Variants in SLC5A3 observed in about 807,000 individuals in gnomAD.
SLC5A3 encodes solute carrier family 5 member 3.
Under a neutral mutation model 43.2 loss-of-function variants are expected in SLC5A3, and 10 were observed. The observed-to-expected ratio is 0.23, with a 90% confidence interval of 0.14 to 0.39. The LOEUF (loss-of-function observed/expected upper bound fraction) is 0.39, where lower values mean the gene tolerates loss of function less well. Among genes scored for constraint, SLC5A3 ranks in the 10% least tolerant of loss-of-function variants. The pLI, the probability that SLC5A3 is intolerant of heterozygous loss-of-function variation, is 1.00. For missense variants in SLC5A3, 608 were observed against 893.4 expected (o/e 0.68, Z 4.07); for synonymous variants, 349 against 322.0 (o/e 1.08, Z -0.90).
At chr21:34,090,832 G>T (rs1193804949) in intron 1 of SLC5A3, among the ~76,000 whole-genome samples, 1 of 152,192 alleles carries the variant, frequency 6.6e-6, no homozygotes, top group African/African-American at 2.4e-5. Flanking sequence ...GGAAGTGACG[G>T]AGCATGGAAC....
chr21:34,103,487 TC>T lies in SLC5A3; in HGVS notation c.*6134del. The T allele has an allele frequency of 3.0e-6, 3 of 999,256 alleles. No homozygotes were observed. The highest frequency in any genetic ancestry group is 3.6e-6 in the Non-Finnish European group (3 of 829,070). 61.9% of individuals were successfully genotyped at this position (999,256 alleles called of 1,614,324 possible). A position where few individuals can be genotyped will look rare whatever the true frequency, so the allele number is the denominator to read the frequency against. On this transcript the variant is annotated 3_prime_UTR_variant, in exon 2 of 2. Transcript: ENST00000381151. The stretch of plus-strand genomic sequence containing the variant: ...TCTGTGATCTTAATTTTGTTGTGTT[TC>T]CATTGTAGGTTGATAGGTATATCGA...
Position 34,103,960 on chromosome 21 carries a change from T to C in SLC5A3, c.*6605T>C. On this transcript the variant is annotated 3_prime_UTR_variant, in exon 2 of 2. Coordinates refer to ENST00000381151, the MANE Select transcript of SLC5A3 (RefSeq NM_006933.7). ...GGTGACATATTTCTGTTTTAAGCTG[T>C]AGTGTGATTGGGGTTTTTTGTAAAA... 1 of 1,000,188 alleles carries C rather than the reference T, an allele frequency of 1.0e-6. No individual in the cohort carries two copies. Among genetic ancestry groups the C allele is most frequent in the Non-Finnish European group, 1.2e-6 (1 of 829,926 alleles). 62.0% of individuals were successfully genotyped at this position (1,000,188 alleles called of 1,614,324 possible). A position where few individuals can be genotyped will look rare whatever the true frequency, so the allele number is the denominator to read the frequency against.
chr21:34,096,221 A>T lies in SLC5A3; in HGVS notation c.1023A>T (p.Gly341=). 3 of 1,614,160 alleles carry T rather than the reference A, an allele frequency of 1.9e-6. No individual in the cohort carries two copies. Among genetic ancestry groups the T allele is most frequent in the Non-Finnish European group, 2.5e-6 (3 of 1,180,012 alleles). ...CAGAGCACTGCATGCTGGTGTGTGG[A>T]AGCAGAGCTGGTTGCTCCAATATTG... ...INPEHCMLVC[G]SRAGCSNIAY... The change falls in exon 2 of 2, where the codon GGA becomes GGT. Residue 341 remains glycine, a synonymous_variant. Coordinates refer to ENST00000381151, the MANE Select transcript of SLC5A3 (RefSeq NM_006933.7). This position sits in a 1 kb window ranked among gnomAD's most constrained non-coding sequence, Gnocchi z 5.9.
At chr21:34,079,602 A>ATTTTTTTTTTGTTTT (rs1989413351) in intron 1 of SLC5A3, among the ~76,000 whole-genome samples, 1 of 43,660 alleles carries the variant, frequency 2.3e-5, no homozygotes, top group African/African-American at 8.5e-5. Context: ...GACCCAGCTA[A>ATTTTTTTTTTGTTTT]TTTTTTTTTT....
At chr21:34,083,727 G>A (rs1051554368) in intron 1 of SLC5A3, among the ~76,000 whole-genome samples, 2 of 152,210 alleles carry the variant, frequency 1.3e-5, no homozygotes, top group Non-Finnish European at 2.9e-5. Context: ...GACTTTGGTA[G>A]CACTGTTGGT....
chr21:34,095,617 C>T lies in SLC5A3; in HGVS notation c.419C>T (p.Ser140Leu). Reference sequence around the variant, plus strand: ...ATTCTCTATATTTTCACCAAGCTCTCGGTGGATCTGTATTCGGGTGCCCTT... The same window carrying T: ...ATTCTCTATATTTTCACCAAGCTCTTGGTGGATCTGTATTCGGGTGCCCTT... ...SLILYIFTKL[S>L]VDLYSGALFI... is the part of the protein sequence containing the mutation. The change falls in exon 2 of 2, where the codon TCG becomes TTG. Residue 140 changes from serine (S) to leucine (L), a missense_variant. Physicochemically the swap from Ser to Leu is moderately radical, Grantham distance 145. Coordinates refer to ENST00000381151, the MANE Select transcript of SLC5A3 (RefSeq NM_006933.7). The T allele has an allele frequency of 1.9e-6, 3 of 1,613,680 alleles. No homozygotes were observed. The highest frequency in any genetic ancestry group is 2.5e-6 in the Non-Finnish European group (3 of 1,179,916).
In SLC5A3 at chr21:34,103,250, C is replaced by A; in HGVS notation, c.*5895C>A. ...ATTGACTCTGCTAGTTTGCACCTTT[C>A]CGTTCTTAACAGAAAATTTGTATTT... On this transcript the variant is annotated 3_prime_UTR_variant, in exon 2 of 2. Coordinates refer to ENST00000381151, the MANE Select transcript of SLC5A3 (RefSeq NM_006933.7). 1.0e-6 allele frequency: 1 copy of A among 999,286 alleles called. No individual in the cohort carries two copies. The highest frequency in any genetic ancestry group is 1.2e-6 in the Non-Finnish European group (1 of 829,670). 61.9% of individuals were successfully genotyped at this position (999,286 alleles called of 1,614,324 possible). A position where few individuals can be genotyped will look rare whatever the true frequency, so the allele number is the denominator to read the frequency against.
At position 34,096,741 on chromosome 21, in the gene SLC5A3, G is replaced by A; in HGVS notation, c.1543G>A (p.Ala515Thr). 6.2e-7 allele frequency: 1 copy of A among 1,614,038 alleles called. No individual in the cohort carries two copies. The highest frequency in any genetic ancestry group is 8.5e-7 in the Non-Finnish European group (1 of 1,179,976). Residue 515 changes from alanine (A) to threonine (T), a missense_variant, in exon 2 of 2, where the codon GCC (alanine) becomes ACC (threonine). By Grantham distance (58) the Ala-to-Thr change is moderately conservative. Around this residue, in one of 2 missense-constraint regions of SLC5A3, gnomAD observed 398 missense variants for 668.6 expected, o/e 0.60. Coordinates refer to ENST00000381151, the MANE Select transcript of SLC5A3 (RefSeq NM_006933.7). The surrounding 1 kb of genome is among the most constrained non-coding windows in gnomAD (Gnocchi z 5.9). ...FIKDIHYMYV[A>T]TGLFWVTGLI... ...CAAAGACATCCATTATATGTATGTG[G>A]CCACAGGATTGTTTTGGGTCACGGG...
At chr21:34,079,169 G>A (rs374888572) in intron 1 of SLC5A3, among the ~76,000 whole-genome samples, 37 of 152,228 alleles carry the variant, frequency 2.4e-4, no homozygotes, top group African/African-American at 8.7e-4. Flanking sequence ...AGTAGGAAAA[G>A]ATTTTACAGT....
chr21:34,080,849 G>C (rs1419864618), intron 1 of SLC5A3, among the ~76,000 whole-genome samples: 1 of 152,234 alleles, frequency 6.6e-6, no homozygotes, highest in African/African-American at 2.4e-5. Flanking sequence ...GATACAGCGT[G>C]TTGACCTCGT....
At position 34,097,411 on chromosome 21, in the gene SLC5A3, A is replaced by AG; in HGVS notation, c.*56_*57insG. The AG allele has an allele frequency of 1.4e-6, 2 of 1,383,334 alleles. No homozygotes were observed. The highest frequency in any genetic ancestry group is 2.7e-5 in the African/African-American group (1 of 36,426). The allele number at this position is 1,383,334 out of a possible 1,614,324, so 85.7% of individuals were successfully genotyped here. ...GACAATACTGACTGGTCTTTGGGGA[A>AG]AAAAGTTATGTAACTGTGCATCTCT... is the stretch of plus-strand genomic sequence containing the variant. On this transcript the variant is annotated 3_prime_UTR_variant, in exon 2 of 2. Coordinates refer to ENST00000381151, the MANE Select transcript of SLC5A3 (RefSeq NM_006933.7).
chr21:34,085,499 T>C (rs958131321), intron 1 of SLC5A3, among the ~76,000 whole-genome samples: 2 of 152,204 alleles, frequency 1.3e-5, no homozygotes, highest in African/African-American at 2.4e-5. Context: ...GCATTGGTTT[T>C]AGCATCTGTT....
rs769665990 is a variant in SLC5A3 at position 34,096,524 on chromosome 21, G to A, written c.1326G>A (p.Gln442=). The A allele has an allele frequency of 6.2e-7, 1 of 1,614,170 alleles. No individual in the cohort carries two copies. The highest frequency in any genetic ancestry group is 2.2e-5 in the East Asian group (1 of 44,880). The change falls in exon 2 of 2, where the codon CAG becomes CAA. Residue 442 remains glutamine, a synonymous_variant. Transcript: ENST00000381151. This position sits in a 1 kb window ranked among gnomAD's most constrained non-coding sequence, Gnocchi z 5.9. ...GAGGCCAGATGTACCTTTACATTCA[G>A]GAGGTAGCAGATTACCTGACACCCC... ...MQGGQMYLYI[Q]EVADYLTPPV...
In SLC5A3 at chr21:34,102,076, C is replaced by G; in HGVS notation, c.*4721C>G. 1.0e-6 allele frequency: 1 copy of G among 999,934 alleles called. No homozygotes were observed. Among genetic ancestry groups the G allele is most frequent in the Non-Finnish European group, 1.2e-6 (1 of 829,690 alleles). The allele number at this position is 999,934 out of a possible 1,614,324, so 61.9% of individuals were successfully genotyped here. ...AAAAGGTAATCTTTCGATTGCTAGA[C>G]TTGGTTAACTTAGGGCTGCAAATCT... On this transcript the variant is annotated 3_prime_UTR_variant, in exon 2 of 2. Coordinates refer to ENST00000381151, the MANE Select transcript of SLC5A3 (RefSeq NM_006933.7).
intron 1 of SLC5A3, among the ~76,000 whole-genome samples, chr21:34,078,125 A>G (rs1051308609): frequency 6.6e-6 from 1 of 152,126 alleles, no homozygotes; most frequent in African/African-American, 2.4e-5. Flanking sequence ...AAACGGAAAC[A>G]TCTAGCTGTC....
In SLC5A3 at chr21:34,101,837, G is replaced by A. The variant is rs140942682; in HGVS notation, c.*4482G>A. The A allele has an allele frequency of 2.0e-6, 2 of 997,904 alleles. No homozygotes were observed. The highest frequency in any genetic ancestry group is 1.7e-5 in the African/African-American group (1 of 57,288). The allele number at this position is 997,904 out of a possible 1,614,324, so 61.8% of individuals were successfully genotyped here. A position where few individuals can be genotyped will look rare whatever the true frequency, so the allele number is the denominator to read the frequency against. The stretch of plus-strand genomic sequence containing the variant: ...CACTTTGTGTTGGCTAATAATAAAA[G>A]CACTGTTTTATTCTCAAAACTCCTT... On this transcript the variant is annotated 3_prime_UTR_variant, in exon 2 of 2. Coordinates refer to ENST00000381151, the MANE Select transcript of SLC5A3 (RefSeq NM_006933.7).
At chr21:34,088,964 T>G (rs1004499595) in intron 1 of SLC5A3, among the ~76,000 whole-genome samples, 3 of 152,216 alleles carry the variant, frequency 2.0e-5, no homozygotes, top group Non-Finnish European at 1.5e-5. Flanking sequence ...TCTTGAATTC[T>G]TATTGAGTTA....
At chr21:34,083,107 T>G (rs779712417) in intron 1 of SLC5A3, among the ~76,000 whole-genome samples, 20 of 152,226 alleles carry the variant, frequency 1.3e-4, no homozygotes, top group Non-Finnish European at 2.9e-4. Context: ...AGTTTCTCTG[T>G]AACACCTACC....
At chr21:34,080,736 GTCTT>G (rs1367006733) in intron 1 of SLC5A3, among the ~76,000 whole-genome samples, 1 of 152,192 alleles carries the variant, frequency 6.6e-6, no homozygotes, top group Non-Finnish European at 1.5e-5. Flanking sequence ...TGAGAGCTGA[GTCTT>G]TCATGTTTGT....
Sources: gnomAD v4.1 joint callset for allele counts (sites outside exome capture counted in the v4.1 genomes callset) on GRCh38, gnomAD v4.1.1 for gene constraint, gnomAD v4.1.1 regional missense constraint, Gnocchi (gnomAD v3.1) non-coding constraint, MANE v1.5 for transcripts, NCBI Gene and HGNC (gene_info 2026-07-23, HGNC 2026-07-21) for gene names.